DISP3: variants seen among roughly 807,000 people sequenced by gnomAD.
DISP3 encodes dispatched RND transporter family member 3.
A neutral mutation model predicts 135.3 loss-of-function variants in DISP3; 101 were observed. The observed-to-expected ratio is 0.75, with a 90% CI of 0.64 to 0.88. The LOEUF is 0.88. Among genes scored for constraint, DISP3 ranks in the 40% least tolerant of loss-of-function variants. The pLI is 0.00. For synonymous variants in DISP3, 856 were observed against 817.0 expected (o/e 1.05, Z -0.81); for missense variants, 1,713 against 1,878.6 (o/e 0.91, Z 1.63).
Position 11,486,712 on chromosome 1 carries a change from C to T in DISP3, c.-4+7340C>T, listed in dbSNP as rs149181906. On this transcript the variant is annotated intron_variant, in intron 1 of 20. Transcript: ENST00000294484. Reference sequence around the variant, plus strand: ...TTTTTTTTTTTTTAAGATAAGCTCTCTGTCATCCAGGCTGGAGTGCAGTGC... The same window carrying T: ...TTTTTTTTTTTTTAAGATAAGCTCTTTGTCATCCAGGCTGGAGTGCAGTGC... Among the ~76,000 whole-genome samples the T allele has an allele frequency of 2.2e-3, 329 of 152,000 alleles. 1 individual carries two copies. The highest frequency in any genetic ancestry group is 7.6e-3 in the African/African-American group (316 of 41,476).
chr1:11,501,588 G>C lies in DISP3; in HGVS notation c.596G>C (p.Arg199Pro), dbSNP rs1258360067. The C allele has an allele frequency of 6.3e-7, 1 of 1,594,818 alleles. No homozygotes were observed. The highest frequency in any genetic ancestry group is 8.6e-7 in the Non-Finnish European group (1 of 1,169,020). The change falls in exon 2 of 21, where the codon CGG becomes CCG. Residue 199 changes from arginine (R) to proline (P), a missense_variant. Arg to Pro is a moderately radical substitution (Grantham distance 103, BLOSUM62 -2). Transcript: ENST00000294484. This position sits in a 1 kb window ranked among gnomAD's most constrained non-coding sequence, Gnocchi z 4.9. ...GCGGCTCAAAAGCCCACAGCCAATC[G>C]GAGCGGGCGACTTCGGCGTGAGACC... The part of the protein sequence containing the change: ...TSAAQKPTAN[R>P]SGRLRRETPP...
At chr1:11,513,496 G>T (rs1304728451) in intron 3 of DISP3, among the ~76,000 whole-genome samples, 1 of 152,190 alleles carries the variant, frequency 6.6e-6, no homozygotes, top group Non-Finnish European at 1.5e-5. Context: ...TTAATGGGAA[G>T]TCTGCTGTCA....
rs868180437 is a variant in DISP3 at position 11,517,526 on chromosome 1, G to A, written c.1813G>A (p.Val605Met). ...CATCGTGTCCTGTTGCTGGCTGGCC[G>A]TGCTTGTCACCATGCCTGCAGCTCT... ...SLIVSCCWLA[V>M]LVTMPAALGL... is the part of the protein sequence containing the mutation. Residue 605 changes from valine (V) to methionine (M), a missense_variant, in exon 7 of 21, where the codon GTG becomes ATG. By Grantham distance (21) the Val-to-Met change is conservative. Transcript: ENST00000294484. The A allele has an allele frequency of 2.6e-5, 42 of 1,614,042 alleles. No individual in the cohort carries two copies. Among genetic ancestry groups the A allele is most frequent in the Admixed American group, 3.3e-5 (2 of 60,002 alleles).
intron 19 of DISP3, 59 bp downstream of exon 19, chr1:11,535,183 C>T: frequency 1.3e-6 from 2 of 1,482,654 alleles, no homozygotes; most frequent in South Asian, 2.4e-5. Context: ...AGACAGTCTC[C>T]CCGGTGGCCC....
At chr1:11,480,257 TCAGCACCGCGGA>T (rs1179040263) in intron 1 of DISP3, among the ~76,000 whole-genome samples, 1 of 152,072 alleles carries the variant, frequency 6.6e-6, no homozygotes, top group Admixed American at 6.5e-5. Flanking sequence ...ACTCCCCGGG[TCAGCACCGCGGA>T]CAGCGCCTCG....
chr1:11,536,974 G>T lies in DISP3; in HGVS notation c.*288G>T. The T allele has an allele frequency of 2.2e-6, 1 of 461,600 alleles. No homozygotes were observed. The highest frequency in any genetic ancestry group is 3.9e-6 in the Non-Finnish European group (1 of 259,298). 28.6% of individuals were successfully genotyped at this position (461,600 alleles called of 1,614,324 possible). A position where few individuals can be genotyped will look rare whatever the true frequency, so the allele number is the denominator to read the frequency against. On this transcript the variant is annotated 3_prime_UTR_variant, in exon 21 of 21. Transcript: ENST00000294484. This position sits in a 1 kb window ranked among gnomAD's most constrained non-coding sequence, Gnocchi z 4.3. ...CCTCCCATGCCCGGTCACCATGGGG[G>T]TCAGGTTATTTTTGTAGGGGGTCTC...
chr1:11,536,424 CCCT>C lies in DISP3; in HGVS notation c.3919_3921del (p.Leu1307del). The C allele has an allele frequency of 6.2e-7, 1 of 1,613,290 alleles. No homozygotes were observed. The highest frequency in any genetic ancestry group is 8.5e-7 in the Non-Finnish European group (1 of 1,179,976). ...CTCACCACGGTCATCGCCACAGTGC[CCCT>C]CTTCTTCTGCATCATCGCCCCATTT... On this transcript the variant is annotated inframe_deletion, in exon 21 of 21. Coordinates refer to ENST00000294484, the MANE Select transcript of DISP3 (RefSeq NM_020780.2). The surrounding 1 kb of genome is among the most constrained non-coding windows in gnomAD (Gnocchi z 4.3).
At chr1:11,511,839 C>T (rs905956382) in intron 3 of DISP3, among the ~76,000 whole-genome samples, 1 of 152,210 alleles carries the variant, frequency 6.6e-6, no homozygotes, top group Non-Finnish European at 1.5e-5. Flanking sequence ...TTTGTGTGGG[C>T]ATTCAGACGT....
At chr1:11,509,878 A>C (rs1327306444) in intron 3 of DISP3, among the ~76,000 whole-genome samples, 2 of 152,124 alleles carry the variant, frequency 1.3e-5, no homozygotes, top group African/African-American at 4.8e-5. Context: ...AGGCAGGTGG[A>C]TCCCAAGGTC....
chr1:11,535,700 G>T, intron 20 of DISP3, 56 bp downstream of exon 20: 1 of 1,562,438 alleles, frequency 6.4e-7, no homozygotes, highest in East Asian at 2.3e-5. Flanking sequence ...TCTCCCACCT[G>T]GGTGCAGCTG....
In DISP3 at chr1:11,535,561, G is replaced by A. The variant is rs747070416; in HGVS notation, c.3733G>A (p.Val1245Ile). 9.3e-6 allele frequency: 15 copies of A among 1,613,224 alleles called. No homozygotes were observed. Among genetic ancestry groups the A allele is most frequent in the Admixed American group, 3.3e-5 (2 of 59,964 alleles). ...GGAAGCCATCTCCCTGTCCATCCTCGTTGGCTCCTCCGTGGATTACTGCGT... is the reference window on the plus strand; with the variant it reads ...GGAAGCCATCTCCCTGTCCATCCTCATTGGCTCCTCCGTGGATTACTGCGT... The part of the protein sequence containing the change: ...AVEAISLSIL[V>I]GSSVDYCVHL... Residue 1245 changes from valine (V) to isoleucine (I), a missense_variant, in exon 20 of 21, where the codon GTT becomes ATT. Physicochemically the swap from Val to Ile is conservative, Grantham distance 29 (BLOSUM62 3). Coordinates refer to ENST00000294484, the MANE Select transcript of DISP3 (RefSeq NM_020780.2).
At chr1:11,496,958 C>T (rs953130223) in intron 1 of DISP3, among the ~76,000 whole-genome samples, 15 of 152,346 alleles carry the variant, frequency 9.8e-5, no homozygotes, top group Middle Eastern at 3.4e-3. Flanking sequence ...CGTGGGTTGA[C>T]CACCAGTCTG....
At chr1:11,486,684 GA>G (rs900974825) in intron 1 of DISP3, among the ~76,000 whole-genome samples, 1 of 151,640 alleles carries the variant, frequency 6.6e-6, no homozygotes, top group Admixed American at 6.6e-5. Context: ...TTAAGATTAA[GA>G]TTTTTTTTTT....
intron 3 of DISP3, among the ~76,000 whole-genome samples, chr1:11,513,948 GTT>G (rs57749480): frequency 0.23 from 33,897 of 147,804 alleles, 4,369 homozygotes; most frequent in East Asian, 0.46. Flanking sequence ...GCCTGGTTAT[GTT>G]TTTTTTTTTT....
chr1:11,520,300 G>A lies in DISP3; in HGVS notation c.2201-387G>A, dbSNP rs979870287. 6.6e-6 allele frequency among the ~76,000 whole-genome samples: 1 copy of A among 152,208 alleles called. No homozygotes were observed. Among genetic ancestry groups the A allele is most frequent in the African/African-American group, 2.4e-5 (1 of 41,460 alleles). On this transcript the variant is annotated intron_variant, in intron 9 of 20. Transcript: ENST00000294484. This position sits in a 1 kb window ranked among gnomAD's most constrained non-coding sequence, Gnocchi z 4.8. ...ATGTATAAAGACCTCAGCCCAGCGC[G>A]TGGCGTGCGGTAAGTGCTCAGTGAA...
chr1:11,521,474 G>C (rs1417658384), intron 10 of DISP3, among the ~76,000 whole-genome samples: 1 of 124,470 alleles, frequency 8.0e-6, no homozygotes, highest in Non-Finnish European at 1.7e-5. Context: ...TTAGCCAGGT[G>C]AGGAGGGGAG....
rs908148265 is a variant in DISP3 at position 11,501,510 on chromosome 1, G to C, written c.518G>C (p.Arg173Pro). 6.2e-7 allele frequency: 1 copy of C among 1,605,508 alleles called. No homozygotes were observed. Among genetic ancestry groups the C allele is most frequent in the East Asian group, 2.2e-5 (1 of 44,760 alleles). Residue 173 changes from arginine to proline, a missense_variant, in exon 2 of 21, where the codon CGC (arginine) becomes CCC (proline). Arg to Pro is a moderately radical substitution (Grantham distance 103). This residue lies in a region of DISP3 where 571 missense variants were observed against 494.1 expected (regional missense o/e 1.16). Coordinates refer to ENST00000294484, the MANE Select transcript of DISP3 (RefSeq NM_020780.2). The surrounding 1 kb of genome is among the most constrained non-coding windows in gnomAD (Gnocchi z 4.9). ...NRSRQASRAP[R>P]VIPAASLGGP... ...TCGCGGCAAGCCTCCCGAGCCCCCC[G>C]CGTCATCCCCGCGGCCTCACTCGGT... is the stretch of plus-strand genomic sequence containing the variant.
chr1:11,504,174 C>A (rs561398207), intron 3 of DISP3, among the ~76,000 whole-genome samples: 1 of 152,168 alleles, frequency 6.6e-6, no homozygotes, highest in Non-Finnish European at 1.5e-5. Context: ...ACACACTGTT[C>A]GAAACCCTTT....
intron 17 of DISP3, among the ~76,000 whole-genome samples, chr1:11,533,515 C>T (rs2100517331): frequency 6.6e-6 from 1 of 152,244 alleles, no homozygotes; most frequent in African/African-American, 2.4e-5. Flanking sequence ...CCTCAGCCTC[C>T]CAAAGTGCGG....
Sources: allele counts gnomAD v4.1 joint callset (sites outside exome capture counted in the v4.1 genomes callset), GRCh38; gene constraint gnomAD v4.1.1; regional missense constraint gnomAD v4.1.1; non-coding constraint Gnocchi (gnomAD v3.1); transcripts MANE v1.5; gene names NCBI Gene and HGNC (gene_info 2026-07-23, HGNC 2026-07-21).